Variants in KCNJ6 observed in about 807,000 individuals in gnomAD.
KCNJ6 encodes G protein-activated inward rectifier potassium channel 2.
A neutral mutation model predicts 34.2 loss-of-function variants in KCNJ6; 9 were observed. The observed-to-expected ratio is 0.26, with a 90% CI of 0.16 to 0.46. KCNJ6 has a LOEUF of 0.46. KCNJ6 is among the 20% of genes least tolerant of loss of function. KCNJ6 has a pLI of 1.00. For missense variants in KCNJ6, 236 were observed against 531.3 expected, an observed-to-expected ratio of 0.44 and a Z score of 5.46; for synonymous variants, 196 against 207.1, an observed-to-expected ratio of 0.95 and a Z score of 0.46.
intron 2 of KCNJ6, among the ~76,000 whole-genome samples, chr21:37,774,359 T>A (rs999000741): frequency 5.3e-5 from 8 of 152,164 alleles, no homozygotes; most frequent in Non-Finnish European, 4.4e-5. Flanking sequence ...TTCTTTTTTT[T>A]TTATTATACT....
intron 2 of KCNJ6, among the ~76,000 whole-genome samples, chr21:37,727,640 AG>A (rs568133301): frequency 4.9e-4 from 75 of 152,278 alleles, no homozygotes; most frequent in African/African-American, 1.7e-3. Context: ...GGTGTTTGAT[AG>A]AATAGAAGTC....
chr21:37,736,238 G>A (rs2054912525), intron 2 of KCNJ6, among the ~76,000 whole-genome samples: 1 of 152,162 alleles, frequency 6.6e-6, no homozygotes. Context: ...ATCCCTGCCA[G>A]GGGAACTCAG....
chr21:37,905,015 C>T (rs1385698701), intron 1 of KCNJ6, among the ~76,000 whole-genome samples: 1 of 152,220 alleles, frequency 6.6e-6, no homozygotes, highest in Non-Finnish European at 1.5e-5. Flanking sequence ...TTCACTGGAA[C>T]AACCTCAACA....
intron 3 of KCNJ6, among the ~76,000 whole-genome samples, chr21:37,655,337 A>G (rs1213190062): frequency 6.6e-6 from 1 of 151,968 alleles, no homozygotes; most frequent in African/African-American, 2.4e-5. Context: ...TCCTCCACCA[A>G]CACCCTCCCC....
intron 3 of KCNJ6, among the ~76,000 whole-genome samples, chr21:37,672,429 A>T (rs1325408846): frequency 1.3e-5 from 2 of 151,966 alleles, no homozygotes; most frequent in African/African-American, 4.8e-5. Context: ...GGAGAAAAGG[A>T]GCTGGGTCTG....
intron 1 of KCNJ6, among the ~76,000 whole-genome samples, chr21:37,852,525 A>G (rs1310356401): frequency 6.6e-6 from 1 of 152,234 alleles, no homozygotes; most frequent in Non-Finnish European, 1.5e-5. Flanking sequence ...AAAAAGGATG[A>G]CACCTTACTA....
chr21:37,777,666 A>G (rs759005201), intron 2 of KCNJ6, among the ~76,000 whole-genome samples: 7 of 152,304 alleles, frequency 4.6e-5, no homozygotes, highest in Non-Finnish European at 8.8e-5. Context: ...TTGCATTTTC[A>G]AAGAATAAAG....
intron 2 of KCNJ6, among the ~76,000 whole-genome samples, chr21:37,720,746 G>C (rs905396538): frequency 5.3e-5 from 8 of 149,614 alleles, no homozygotes; most frequent in African/African-American, 2.0e-4. Flanking sequence ...TGTCGCCCAG[G>C]CCGGACTGCG....
chr21:37,759,826 A>G (rs986613354), intron 2 of KCNJ6, among the ~76,000 whole-genome samples: 2 of 152,160 alleles, frequency 1.3e-5, no homozygotes, highest in African/African-American at 4.8e-5. Context: ...GGCTGGACTT[A>G]GTGATCCCGT....
intron 2 of KCNJ6, among the ~76,000 whole-genome samples, chr21:37,800,048 G>C (rs1454814725): frequency 6.6e-6 from 1 of 152,190 alleles, no homozygotes; most frequent in African/African-American, 2.4e-5. Context: ...AAATGTATCT[G>C]AGGCATTTGT....
chr21:37,630,880 T>C (rs1198929071), intron 3 of KCNJ6, among the ~76,000 whole-genome samples: 2 of 152,136 alleles, frequency 1.3e-5, no homozygotes, highest in Non-Finnish European at 2.9e-5. Context: ...TGACAGTGCT[T>C]GTCCTCTCCT....
chr21:37,607,485 T>C lies in KCNJ6; in HGVS notation c.*17674A>G, dbSNP rs866963851. The C allele has an allele frequency of 6.8e-6, 1 of 147,266 alleles. No homozygotes were observed. Among genetic ancestry groups the C allele is most frequent in the Non-Finnish European group, 1.5e-5 (1 of 66,806 alleles). 9.1% of individuals were successfully genotyped at this position (147,266 alleles called of 1,614,324 possible). ...AAAGATATATATATATATATATATT[T>C]TTTTTTTATTTTAAAAAAATTTGGC... On this transcript the variant is annotated 3_prime_UTR_variant, in exon 4 of 4. Transcript: ENST00000609713.
chr21:37,767,445 A>T (rs2055096684), intron 2 of KCNJ6, among the ~76,000 whole-genome samples: 1 of 152,148 alleles, frequency 6.6e-6, no homozygotes, highest in African/African-American at 2.4e-5. Context: ...GCAGGAAGCA[A>T]CCGGAGCAGT....
chr21:37,781,783 T>C (rs1453490080), intron 2 of KCNJ6, among the ~76,000 whole-genome samples: 1 of 152,152 alleles, frequency 6.6e-6, no homozygotes, highest in East Asian at 1.9e-4. Context: ...ATGTAACCTC[T>C]GATCATTCCC....
chr21:37,800,672 T>C (rs1326074363), intron 2 of KCNJ6, among the ~76,000 whole-genome samples: 1 of 152,200 alleles, frequency 6.6e-6, no homozygotes, highest in African/African-American at 2.4e-5. Flanking sequence ...CTGATAACCC[T>C]TGATAAGCAT....
At chr21:37,790,409 C>G (rs1176815539) in intron 2 of KCNJ6, among the ~76,000 whole-genome samples, 1 of 152,170 alleles carries the variant, frequency 6.6e-6, no homozygotes, top group Non-Finnish European at 1.5e-5. Context: ...TATTATTGCC[C>G]TCTTTTTGCC....
chr21:37,638,060 G>A (rs970178828), intron 3 of KCNJ6, among the ~76,000 whole-genome samples: 1 of 152,206 alleles, frequency 6.6e-6, no homozygotes, highest in African/African-American at 2.4e-5. Context: ...TTCTCATTTA[G>A]GAGGCCAAGC....
chr21:37,822,396 TC>T (rs139140027), intron 2 of KCNJ6, among the ~76,000 whole-genome samples: 3,605 of 151,138 alleles, frequency 0.024, 141 homozygotes, highest in African/African-American at 0.083. Flanking sequence ...TTCCATTTTT[TC>T]CCCCAACACC....
At chr21:37,683,629 G>C (rs968020442) in intron 3 of KCNJ6, among the ~76,000 whole-genome samples, 3 of 152,204 alleles carry the variant, frequency 2.0e-5, no homozygotes, top group Admixed American at 1.3e-4. Context: ...TTGTTCGTTT[G>C]CATGAAAAGG....
Sources: gnomAD v4.1 joint callset for allele counts (sites outside exome capture counted in the v4.1 genomes callset) on GRCh38, gnomAD v4.1.1 for gene constraint, MANE v1.5 for transcripts, NCBI Gene and HGNC (gene_info 2026-07-23, HGNC 2026-07-21) for gene names.